Variants in OSBP2 observed in about 807,000 individuals in gnomAD.
OSBP2 encodes oxysterol binding protein 2, also known as oxysterol-binding protein 2.
OSBP2 carries 66 observed loss-of-function variants against 96.0 expected under a neutral mutation model. The ratio of observed to expected loss-of-function variants is 0.69; its 90% CI spans 0.56 to 0.84. The LOEUF is 0.84. Ranked by LOEUF, OSBP2 falls within the 40% of genes least tolerant of loss-of-function variation. The pLI, the probability that OSBP2 is intolerant of heterozygous loss-of-function variation, is 0.00. For missense variants in OSBP2, 1,038 were observed against 1,222.7 expected (o/e 0.85, Z 2.25); for synonymous variants, 525 against 520.9 (o/e 1.01, Z -0.11).
intron 2 of OSBP2, among the ~76,000 whole-genome samples, chr22:30,792,566 A>C (rs2090690999): frequency 6.6e-6 from 1 of 152,194 alleles, no homozygotes; most frequent in Non-Finnish European, 1.5e-5. Flanking sequence ...AATCATTCAT[A>C]ATCTGGTCTT....
chr22:30,740,607 A>G (rs182637822), intron 1 of OSBP2, among the ~76,000 whole-genome samples: 3 of 152,306 alleles, frequency 2.0e-5, no homozygotes, highest in African/African-American at 7.2e-5. Flanking sequence ...TAGAAGCAAG[A>G]TGGAGTCAGT....
In OSBP2 at chr22:30,907,797, A is replaced by T. The variant is rs933608746; in HGVS notation, c.*1458A>T. 2 of 152,608 alleles carry T rather than the reference A, an allele frequency of 1.3e-5. No homozygotes were observed. The highest frequency in any genetic ancestry group is 2.4e-5 in the African/African-American group (1 of 41,420). 9.5% of individuals were successfully genotyped at this position (152,608 alleles called of 1,614,324 possible). On this transcript the variant is annotated 3_prime_UTR_variant, in exon 14 of 14. Coordinates refer to ENST00000332585, the MANE Select transcript of OSBP2 (RefSeq NM_030758.4). ...GCGAGCACCTTTTGACCAGTAATAA[A>T]AAACCTTGGCTTTGGAGTTTTCCAC...
intron 2 of OSBP2, among the ~76,000 whole-genome samples, chr22:30,838,304 C>T: frequency 6.6e-6 from 1 of 152,022 alleles, no homozygotes; most frequent in East Asian, 1.9e-4. Flanking sequence ...GTTTGGAGTC[C>T]CTGGGGATGT....
At chr22:30,730,525 AGTTC>A (rs1162120189) in intron 1 of OSBP2, among the ~76,000 whole-genome samples, 21 of 151,872 alleles carry the variant, frequency 1.4e-4, no homozygotes, top group African/African-American at 4.8e-4. Context: ...TTTCTAGCAC[AGTTC>A]CTTTATATAG....
intron 1 of OSBP2, among the ~76,000 whole-genome samples, chr22:30,703,319 G>T (rs1286625198): frequency 6.6e-6 from 1 of 151,454 alleles, no homozygotes; most frequent in Non-Finnish European, 1.5e-5. Flanking sequence ...GATTACAGGT[G>T]TGCACCACCA....
chr22:30,896,639 C>A (rs1251702568), intron 12 of OSBP2, among the ~76,000 whole-genome samples: 1 of 136,280 alleles, frequency 7.3e-6, no homozygotes, highest in African/African-American at 2.8e-5. Context: ...AAACTACTGG[C>A]AAACTGGATT....
At chr22:30,709,667 C>T (rs1024215476) in intron 1 of OSBP2, among the ~76,000 whole-genome samples, 19 of 151,950 alleles carry the variant, frequency 1.3e-4, no homozygotes, top group African/African-American at 3.9e-4. Flanking sequence ...AGGCATGAGC[C>T]ACCGCACCTG....
At chr22:30,899,514 G>A (rs370005591) in intron 12 of OSBP2, among the ~76,000 whole-genome samples, 36 of 151,938 alleles carry the variant, frequency 2.4e-4, no homozygotes, top group East Asian at 7.7e-4. Flanking sequence ...AGGAAAACAC[G>A]AGGCCCAGAT....
At chr22:30,905,592 A>T (rs1352717353) in intron 12 of OSBP2, among the ~76,000 whole-genome samples, 1 of 152,250 alleles carries the variant, frequency 6.6e-6, no homozygotes, top group Non-Finnish European at 1.5e-5. Flanking sequence ...TAATGTGGCA[A>T]AACAGCGGCA....
chr22:30,762,294 A>ACAGCTCACGCCT (rs1465712171), intron 2 of OSBP2, among the ~76,000 whole-genome samples: 2 of 152,110 alleles, frequency 1.3e-5, no homozygotes, highest in Non-Finnish European at 2.9e-5. Flanking sequence ...TCACGCCTGT[A>ACAGCTCACGCCT]ATCTCAGCAC....
intron 2 of OSBP2, among the ~76,000 whole-genome samples, chr22:30,816,334 C>T (rs1347201724): frequency 1.3e-5 from 2 of 152,044 alleles, no homozygotes; most frequent in Non-Finnish European, 2.9e-5. Context: ...GGAATTCCAG[C>T]GCTGTTATTA....
chr22:30,820,011 G>C (rs2091129149), intron 2 of OSBP2, among the ~76,000 whole-genome samples: 1 of 152,168 alleles, frequency 6.6e-6, no homozygotes. Context: ...ACCTTTGGTT[G>C]GATTTATTCT....
intron 2 of OSBP2, among the ~76,000 whole-genome samples, chr22:30,803,822 G>A (rs879532072): frequency 5.3e-5 from 8 of 152,134 alleles, no homozygotes; most frequent in Non-Finnish European, 7.4e-5. Context: ...GTGTGTGTAT[G>A]TGTGTGTGTG....
intron 2 of OSBP2, among the ~76,000 whole-genome samples, chr22:30,868,477 T>C (rs2039392683): frequency 6.6e-6 from 1 of 152,228 alleles, no homozygotes; most frequent in South Asian, 2.1e-4. Flanking sequence ...GGCCTCTCAA[T>C]GGCCTTGCCA....
At chr22:30,883,243 C>T (rs1240914368) in intron 3 of OSBP2, among the ~76,000 whole-genome samples, 2 of 152,240 alleles carry the variant, frequency 1.3e-5, no homozygotes, top group African/African-American at 2.4e-5. Context: ...CCCCTACTTG[C>T]ATCAGGCAGG....
intron 2 of OSBP2, among the ~76,000 whole-genome samples, chr22:30,770,041 C>T (rs1027405131): frequency 8.6e-5 from 13 of 151,552 alleles, no homozygotes; most frequent in African/African-American, 3.2e-4. Context: ...TGCACGTGCT[C>T]TCTTGCCTGC....
At chr22:30,751,424 G>A (rs1454210558) in intron 2 of OSBP2, among the ~76,000 whole-genome samples, 2 of 151,508 alleles carry the variant, frequency 1.3e-5, no homozygotes, top group South Asian at 2.1e-4. Context: ...GCGTGATCTC[G>A]GCTCACTGCA....
intron 2 of OSBP2, among the ~76,000 whole-genome samples, chr22:30,768,317 G>A (rs914326874): frequency 1.3e-5 from 2 of 152,136 alleles, no homozygotes; most frequent in East Asian, 1.9e-4. Context: ...TATGTAATAC[G>A]CCTCTGGGGG....
At chr22:30,840,232 TAA>T (rs941546956) in intron 2 of OSBP2, among the ~76,000 whole-genome samples, 6 of 150,220 alleles carry the variant, frequency 4.0e-5, no homozygotes, top group African/African-American at 1.2e-4. Context: ...GAAAGAAACT[TAA>T]AGTGCATCTT....
Sources: allele counts gnomAD v4.1 joint callset (sites outside exome capture counted in the v4.1 genomes callset), GRCh38; gene constraint gnomAD v4.1.1; transcripts MANE v1.5; gene names NCBI Gene and HGNC (gene_info 2026-07-23, HGNC 2026-07-21).